The following DYM variants were observed in gnomAD, a reference collection of about 807,000 sequenced individuals.
DYM encodes the protein dymeclin.
Under a neutral mutation model 93.1 loss-of-function variants are expected in DYM, and 78 were observed. That is an observed-to-expected ratio of 0.84 (90% CI 0.70 to 1.01). The LOEUF is 1.01. Among genes scored for constraint, DYM ranks in the 50% least tolerant of loss-of-function variants. The pLI is 0.00. For missense variants in DYM, 789 were observed against 845.0 expected (o/e 0.93, Z 0.82); for synonymous variants, 321 against 319.7 (o/e 1.00, Z -0.04).
intron 14 of DYM, among the ~76,000 whole-genome samples, chr18:49,186,198 T>G (rs2090416351): frequency 6.6e-6 from 1 of 152,192 alleles, no homozygotes; most frequent in Admixed American, 6.5e-5. Context: ...CACTTTATTT[T>G]TTGCTCTGCC....
chr18:49,427,815 G>T (rs1355651768), intron 2 of DYM, among the ~76,000 whole-genome samples: 1 of 152,210 alleles, frequency 6.6e-6, no homozygotes, highest in Non-Finnish European at 1.5e-5. Context: ...GGGTCCAGTG[G>T]CTCATGCTTA....
intron 16 of DYM, among the ~76,000 whole-genome samples, chr18:49,106,901 G>A (rs1326767518): frequency 1.3e-5 from 2 of 152,078 alleles, no homozygotes; most frequent in African/African-American, 2.4e-5. Flanking sequence ...TGCTCTTCTC[G>A]AGGAGTATCT....
At chr18:49,330,056 A>G (rs1423902322) in intron 8 of DYM, among the ~76,000 whole-genome samples, 1 of 152,198 alleles carries the variant, frequency 6.6e-6, no homozygotes, top group Non-Finnish European at 1.5e-5. Flanking sequence ...CATTTTGCCC[A>G]GAGAACGTAG....
At chr18:49,324,613 T>A (rs2062757915) in intron 8 of DYM, among the ~76,000 whole-genome samples, 1 of 152,230 alleles carries the variant, frequency 6.6e-6, no homozygotes, top group Non-Finnish European at 1.5e-5. Flanking sequence ...TTTTCAAAAA[T>A]ATTTTTAACA....
chr18:49,385,174 T>C (rs1312466471), intron 3 of DYM, among the ~76,000 whole-genome samples: 1 of 151,820 alleles, frequency 6.6e-6, no homozygotes, highest in African/African-American at 2.4e-5. Flanking sequence ...CCTGAAAAGA[T>C]TGTATTTATA....
chr18:49,452,376 C>G (rs1438410434), intron 1 of DYM, among the ~76,000 whole-genome samples: 3 of 152,126 alleles, frequency 2.0e-5, no homozygotes, highest in South Asian at 2.1e-4. Flanking sequence ...ATTGCTGGTT[C>G]AGGCAGCCTG....
intron 17 of DYM, among the ~76,000 whole-genome samples, chr18:49,053,476 A>T (rs555270201): frequency 1.6e-4 from 24 of 152,292 alleles, no homozygotes; most frequent in African/African-American, 5.3e-4. Flanking sequence ...GAAAAAAAAA[A>T]TTCAAGACCA....
intron 8 of DYM, among the ~76,000 whole-genome samples, chr18:49,312,971 C>T (rs12607069): frequency 0.036 from 5,416 of 152,160 alleles, 166 homozygotes; most frequent in East Asian, 0.077. Context: ...AGAGATAAGG[C>T]GTTATGTACA....
intron 17 of DYM, among the ~76,000 whole-genome samples, chr18:49,090,783 T>C (rs1218148801): frequency 6.6e-6 from 1 of 152,222 alleles, no homozygotes; most frequent in African/African-American, 2.4e-5. Context: ...AATATTTTAC[T>C]CTGCTTGAAC....
At chr18:49,381,913 G>GAAA (rs148954978) in intron 3 of DYM, among the ~76,000 whole-genome samples, 1 of 134,042 alleles carries the variant, frequency 7.5e-6, no homozygotes. Context: ...AACTTTTTAA[G>GAAA]AAAAAAAAAA....
At chr18:49,420,741 G>T (rs1298923133) in intron 2 of DYM, among the ~76,000 whole-genome samples, 1 of 152,086 alleles carries the variant, frequency 6.6e-6, no homozygotes, top group Non-Finnish European at 1.5e-5. Flanking sequence ...CCAGGGAAGT[G>T]CAAGGAATTC....
intron 8 of DYM, among the ~76,000 whole-genome samples, chr18:49,308,197 G>C (rs899087057): frequency 6.6e-6 from 1 of 151,918 alleles, no homozygotes; most frequent in Admixed American, 6.6e-5. Context: ...CAGAATTATA[G>C]CTAAACTTAC....
chr18:49,421,370 G>A (rs2073688434), intron 2 of DYM, among the ~76,000 whole-genome samples: 1 of 152,156 alleles, frequency 6.6e-6, no homozygotes, highest in Non-Finnish European at 1.5e-5. Context: ...CTCCACTGGT[G>A]ATACCCAGGC....
chr18:49,231,193 G>A (rs2093684302), intron 13 of DYM, among the ~76,000 whole-genome samples: 1 of 152,134 alleles, frequency 6.6e-6, no homozygotes, highest in African/African-American at 2.4e-5. Flanking sequence ...ATGCGCTTAT[G>A]TATGCATATA....
At chr18:49,330,595 T>A (rs1195010558) in intron 8 of DYM, among the ~76,000 whole-genome samples, 1 of 152,188 alleles carries the variant, frequency 6.6e-6, no homozygotes, top group African/African-American at 2.4e-5. Flanking sequence ...ATTGCCATTG[T>A]TTTGAAGAAA....
At chr18:49,131,516 C>T (rs913911101) in intron 15 of DYM, among the ~76,000 whole-genome samples, 5 of 152,186 alleles carry the variant, frequency 3.3e-5, no homozygotes, top group Non-Finnish European at 5.9e-5. Context: ...TAAGCCACCA[C>T]GCCCAGTCTC....
At chr18:49,378,741 T>G in intron 4 of DYM, 41 bp from the exon 5 acceptor site, 14 of 1,602,386 alleles carry the variant, frequency 8.7e-6, no homozygotes, top group Non-Finnish European at 1.2e-5. Flanking sequence ...TATTTAAACA[T>G]AAGCACCATA....
chr18:49,275,215 T>G (rs569857989), intron 10 of DYM, among the ~76,000 whole-genome samples: 1 of 152,282 alleles, frequency 6.6e-6, no homozygotes, highest in East Asian at 1.9e-4. Flanking sequence ...CAGTACCATT[T>G]GTTGAAAAAA....
intron 5 of DYM, among the ~76,000 whole-genome samples, chr18:49,364,052 T>C (rs894812996): frequency 1.3e-5 from 2 of 152,222 alleles, no homozygotes; most frequent in African/African-American, 2.4e-5. Flanking sequence ...TCAAAATACG[T>C]TTCAACTATT....
Sources: gnomAD v4.1 joint callset for allele counts (sites outside exome capture counted in the v4.1 genomes callset) on GRCh38, gnomAD v4.1.1 for gene constraint, MANE v1.5 for transcripts, NCBI Gene and HGNC (gene_info 2026-07-23, HGNC 2026-07-21) for gene names.